CDH13: variants seen among roughly 807,000 people sequenced by gnomAD.
CDH13 encodes the protein cadherin-13.
A neutral mutation model predicts 63.8 loss-of-function variants in CDH13; 24 were observed. That is an observed-to-expected ratio of 0.38 (90% CI 0.27 to 0.53). The LOEUF (loss-of-function observed/expected upper bound fraction) is 0.53, where lower values mean the gene tolerates loss of function less well. CDH13 is among the 20% of genes least tolerant of loss of function. The pLI is 0.85. For synonymous variants in CDH13, 503 were observed against 355.3 expected, an observed-to-expected ratio of 1.42 and a Z score of -4.67; for missense variants, 1,049 against 903.1, an observed-to-expected ratio of 1.16 and a Z score of -2.07.
chr16:82,901,326 G>GT (rs1459346916), intron 2 of CDH13, among the ~76,000 whole-genome samples: 1 of 114,452 alleles, frequency 8.7e-6, no homozygotes, highest in African/African-American at 4.3e-5. Flanking sequence ...GTATTCTCCT[G>GT]TGTGTGTGTG....
chr16:83,745,196 C>T (rs935343831), intron 10 of CDH13, among the ~76,000 whole-genome samples: 4 of 152,170 alleles, frequency 2.6e-5, no homozygotes, highest in Non-Finnish European at 4.4e-5. Flanking sequence ...AGGGAGGCTG[C>T]ACCCCGAGGC....
At chr16:82,806,062 G>C (rs2037122971) in intron 1 of CDH13, among the ~76,000 whole-genome samples, 5 of 152,156 alleles carry the variant, frequency 3.3e-5, no homozygotes, top group Admixed American at 1.3e-4. Context: ...TGAGATGTTA[G>C]TGAACCCATC....
At chr16:82,696,122 A>G (rs2030258513) in intron 1 of CDH13, among the ~76,000 whole-genome samples, 1 of 152,208 alleles carries the variant, frequency 6.6e-6, no homozygotes, top group African/African-American at 2.4e-5. Flanking sequence ...TTTTGGGGCC[A>G]CTGACCCTTC....
chr16:83,093,191 T>C (rs1363482949), intron 3 of CDH13, among the ~76,000 whole-genome samples: 3 of 152,056 alleles, frequency 2.0e-5, no homozygotes, highest in Non-Finnish European at 4.4e-5. Flanking sequence ...ACTCAGTTTC[T>C]GTCTTCTCCA....
intron 2 of CDH13, among the ~76,000 whole-genome samples, chr16:82,984,582 C>A (rs371008892): frequency 1.6e-4 from 24 of 152,112 alleles, no homozygotes; most frequent in African/African-American, 4.1e-4. Context: ...TGCTCTGTGC[C>A]AGTCACTATT....
intron 3 of CDH13, among the ~76,000 whole-genome samples, chr16:83,068,961 G>T (rs185673809): frequency 2.0e-5 from 3 of 152,136 alleles, no homozygotes; most frequent in Non-Finnish European, 4.4e-5. Flanking sequence ...AGGTTTAGAA[G>T]GTTTGCTGTT....
chr16:83,517,420 C>T (rs533058873), intron 7 of CDH13, among the ~76,000 whole-genome samples: 16 of 152,180 alleles, frequency 1.1e-4, no homozygotes, highest in Non-Finnish European at 1.6e-4. Context: ...CTCTGTTCCA[C>T]GTAGTCATTA....
chr16:83,193,986 G>T (rs773240352), intron 4 of CDH13, among the ~76,000 whole-genome samples: 2 of 152,208 alleles, frequency 1.3e-5, no homozygotes, highest in Non-Finnish European at 2.9e-5. Flanking sequence ...AATACGAGGA[G>T]GGAAGAGTCC....
chr16:83,096,418 T>A (rs1312070146), intron 3 of CDH13, among the ~76,000 whole-genome samples: 1 of 152,218 alleles, frequency 6.6e-6, no homozygotes, highest in Non-Finnish European at 1.5e-5. Context: ...ATCCAATAGC[T>A]ACTGAAATAC....
chr16:82,846,376 C>G (rs1244513292), intron 1 of CDH13, among the ~76,000 whole-genome samples: 1 of 151,898 alleles, frequency 6.6e-6, no homozygotes, highest in Non-Finnish European at 1.5e-5. Flanking sequence ...TATATATCAG[C>G]TATCAATATA....
At chr16:82,717,496 G>T (rs1417671137) in intron 1 of CDH13, among the ~76,000 whole-genome samples, 1 of 151,286 alleles carries the variant, frequency 6.6e-6, no homozygotes, top group Non-Finnish European at 1.5e-5. Context: ...TACAATCCTG[G>T]AAGGCAACTT....
chr16:83,567,383 G>A (rs1904291946), intron 7 of CDH13, among the ~76,000 whole-genome samples: 1 of 152,148 alleles, frequency 6.6e-6, no homozygotes, highest in African/African-American at 2.4e-5. Context: ...TTGAGTCCAG[G>A]GCGTACCTGT....
intron 10 of CDH13, among the ~76,000 whole-genome samples, chr16:83,685,449 G>A (rs547632243): frequency 6.6e-6 from 1 of 152,296 alleles, no homozygotes; most frequent in Admixed American, 6.5e-5. Flanking sequence ...ACTAGTGCTA[G>A]AGAAGAGCAT....
Position 83,268,163 on chromosome 16 carries a change from CATAATT to C in CDH13, c.636+50671_636+50676del, listed in dbSNP as rs372879923. The stretch of plus-strand genomic sequence containing the variant: ...GTAAACCCCTGATCATAGTAATTGA[CATAATT>C]ATAAGTGCAGACATTAACTGTACTG... On this transcript the variant is annotated intron_variant, in intron 5 of 13. Transcript: ENST00000567109. 1.2e-4 allele frequency among the ~76,000 whole-genome samples: 19 copies of C among 152,274 alleles called. No homozygotes were observed. In the East Asian group the frequency reaches 2.7e-3, roughly 22 times the overall value.
chr16:82,998,837 G>A (rs72794130), intron 2 of CDH13, among the ~76,000 whole-genome samples: 1 of 148,516 alleles, frequency 6.7e-6, no homozygotes, highest in African/African-American at 2.5e-5. Flanking sequence ...CTTAAGAAAC[G>A]CTGCCATGTA....
At chr16:82,970,128 T>G (rs1214226467) in intron 2 of CDH13, among the ~76,000 whole-genome samples, 1 of 152,084 alleles carries the variant, frequency 6.6e-6, no homozygotes, top group Non-Finnish European at 1.5e-5. Context: ...CCTCCCTGTT[T>G]CCTTGTGTTC....
At chr16:83,418,397 A>C (rs2151466592) in intron 6 of CDH13, among the ~76,000 whole-genome samples, 1 of 152,284 alleles carries the variant, frequency 6.6e-6, no homozygotes. Context: ...TTTTTTTCCA[A>C]ATTAAGAAAA....
intron 3 of CDH13, among the ~76,000 whole-genome samples, chr16:83,109,534 A>G (rs1055145838): frequency 6.6e-6 from 1 of 151,514 alleles, no homozygotes; most frequent in East Asian, 1.9e-4. Flanking sequence ...TGAATTGAAA[A>G]TAATTCTTTT....
chr16:83,279,848 T>TTG (rs1014884806), intron 5 of CDH13, among the ~76,000 whole-genome samples: 16 of 152,090 alleles, frequency 1.1e-4, no homozygotes, highest in Admixed American at 3.9e-4. Flanking sequence ...CATGATTTTT[T>TTG]TTTTTGCTTT....
Sources: allele counts gnomAD v4.1 joint callset (sites outside exome capture counted in the v4.1 genomes callset), GRCh38; gene constraint gnomAD v4.1.1; transcripts MANE v1.5; gene names NCBI Gene and HGNC (gene_info 2026-07-23, HGNC 2026-07-21).